Variants in COPB1 observed in about 807,000 individuals in gnomAD.
COPB1 encodes coatomer subunit beta.
COPB1 carries 21 observed loss-of-function variants against 108.7 expected under a neutral mutation model. The ratio of observed to expected loss-of-function variants is 0.19; its 90% CI spans 0.14 to 0.28. COPB1 has a LOEUF of 0.28. COPB1 is among the 10% of genes least tolerant of loss of function. The probability of loss-of-function intolerance (pLI) is 1.00; values close to 1 mark genes in which losing one functional copy is unlikely to be tolerated. For synonymous variants in COPB1, 378 were observed against 386.8 expected (o/e 0.98, Z 0.27); for missense variants, 919 against 1,141.3 (o/e 0.81, Z 2.81).
At chr11:14,474,979 C>T (rs2134107154) in intron 13 of COPB1, among the ~76,000 whole-genome samples, 1 of 151,334 alleles carries the variant, frequency 6.6e-6, no homozygotes, top group South Asian at 2.1e-4. Flanking sequence ...ACCTGTAATC[C>T]CAGCTACTCA....
At position 14,493,631 on chromosome 11, in the gene COPB1, T is replaced by A; in HGVS notation, c.491+11A>T. The A allele has an allele frequency of 6.3e-7, 1 of 1,584,724 alleles. No individual in the cohort carries two copies. Among genetic ancestry groups the A allele is most frequent in the Middle Eastern group, 1.7e-4 (1 of 5,930 alleles). ...CTCACAGAATGAAGCCAAAGCAGTATCTTTATTTACCTATAGATGGTATAG... is the reference window on the plus strand; with the variant it reads ...CTCACAGAATGAAGCCAAAGCAGTAACTTTATTTACCTATAGATGGTATAG... On this transcript the variant is annotated intron_variant, in intron 4 of 21. Coordinates refer to ENST00000439561, the MANE Select transcript of COPB1 (RefSeq NM_001144061.2).
At chr11:14,462,102 G>GTTGA (rs989937813) in intron 18 of COPB1, among the ~76,000 whole-genome samples, 1 of 151,604 alleles carries the variant, frequency 6.6e-6, no homozygotes, top group African/African-American at 2.4e-5. Context: ...TTTGTGGCTG[G>GTTGA]TTGAATCCAT....
intron 16 of COPB1, 112 bp downstream of exon 16, chr11:14,468,569 C>A: frequency 1.0e-6 from 1 of 995,122 alleles, no homozygotes; most frequent in Non-Finnish European, 1.5e-6. Flanking sequence ...GTTTAATGGA[C>A]CTATCACAGT....
chr11:14,487,724 G>A (rs1293746983), intron 6 of COPB1, among the ~76,000 whole-genome samples: 1 of 151,714 alleles, frequency 6.6e-6, no homozygotes, highest in Non-Finnish European at 1.5e-5. Context: ...TGTACAGTAA[G>A]TCTTGGTTTC....
chr11:14,464,526 T>C (rs1850235675), intron 18 of COPB1, among the ~76,000 whole-genome samples: 1 of 152,200 alleles, frequency 6.6e-6, no homozygotes, highest in African/African-American at 2.4e-5. Context: ...CTTGTGCACC[T>C]AGCAACAAAT....
intron 17 of COPB1, among the ~76,000 whole-genome samples, chr11:14,465,998 C>A (rs1204812186): frequency 6.6e-6 from 1 of 152,146 alleles, no homozygotes; most frequent in African/African-American, 2.4e-5. Context: ...GGTCAATCTG[C>A]GACTTAAACA....
intron 17 of COPB1, 124 bp downstream of exon 17, chr11:14,466,158 C>A: frequency 1.1e-6 from 1 of 931,962 alleles, no homozygotes; most frequent in Non-Finnish European, 1.5e-6. Flanking sequence ...AAAAACTAAG[C>A]CTTGATTCAA....
chr11:14,478,558 A>G (rs956530553), intron 11 of COPB1, among the ~76,000 whole-genome samples: 2 of 151,450 alleles, frequency 1.3e-5, no homozygotes, highest in Non-Finnish European at 2.9e-5. Context: ...GATACAGAAG[A>G]AGTACAAGGG....
rs775562807 is a variant in COPB1 at position 14,479,575 on chromosome 11, G to T, written c.1352C>A (p.Ser451Tyr). Residue 451 changes from serine (S) to tyrosine (Y), a missense_variant, in exon 11 of 22, where the codon TCT (serine) becomes TAT (tyrosine). Around this residue, in one of 5 missense-constraint regions of COPB1, gnomAD observed 705 missense variants for 817.8 expected, o/e 0.86. Coordinates refer to ENST00000439561, the MANE Select transcript of COPB1 (RefSeq NM_001144061.2). ...AAATGTATTTTAAACCTACTTGACA[G>T]ATTTAATAGCATGAAAGACTTCAAG... ...KMLEVFHAIK[S>Y]VKIYRGALWI... is the part of the protein sequence containing the mutation. 5.6e-6 allele frequency: 9 copies of T among 1,606,050 alleles called. No homozygotes were observed. The highest frequency in any genetic ancestry group is 8.5e-7 in the Non-Finnish European group (1 of 1,177,508).
At chr11:14,459,981 A>C (rs779410060) in intron 20 of COPB1, 3 of 382,096 alleles carry the variant, frequency 7.9e-6, no homozygotes, top group Non-Finnish European at 1.4e-5. Context: ...ATAAAAAAAA[A>C]ATTAATCTGA....
At chr11:14,489,996 T>G (rs533282977) in intron 5 of COPB1, among the ~76,000 whole-genome samples, 1 of 152,356 alleles carries the variant, frequency 6.6e-6, no homozygotes, top group South Asian at 2.1e-4. Context: ...TTTTTCAGAC[T>G]TCATGCATAT....
At chr11:14,467,147 AG>A (rs1850300951) in intron 16 of COPB1, among the ~76,000 whole-genome samples, 1 of 151,988 alleles carries the variant, frequency 6.6e-6, no homozygotes, top group South Asian at 2.1e-4. Flanking sequence ...GTATCTGATA[AG>A]GGGGTTAGTA....
intron 13 of COPB1, 99 bp from the exon 14 acceptor site, chr11:14,474,714 C>T (rs1850480944): frequency 2.7e-6 from 4 of 1,491,864 alleles, no homozygotes; most frequent in Non-Finnish European, 3.6e-6. Flanking sequence ...ACTCTTATTA[C>T]CATCCTTCAG....
At chr11:14,466,486 C>T (rs1850284259) in intron 16 of COPB1, 60 bp from the exon 17 acceptor site, 1 of 1,537,008 alleles carries the variant, frequency 6.5e-7, no homozygotes, top group African/African-American at 1.4e-5. Context: ...CAAACATACC[C>T]TGGCCAAATG....
chr11:14,457,598 GA>G lies in COPB1; in HGVS notation c.*225del. On this transcript the variant is annotated 3_prime_UTR_variant, in exon 22 of 22. Transcript: ENST00000439561. ...TACTGTGAAAAGGGTCTTGGTACAT[GA>G]AACATTATATACTTTGAGGACAGCA... 1 of 395,458 alleles carries G rather than the reference GA, an allele frequency of 2.5e-6. No individual in the cohort carries two copies. The highest frequency in any genetic ancestry group is 4.7e-6 in the Non-Finnish European group (1 of 211,856). 24.5% of individuals were successfully genotyped at this position (395,458 alleles called of 1,614,324 possible). A position where few individuals can be genotyped will look rare whatever the true frequency, so the allele number is the denominator to read the frequency against.
At chr11:14,484,284 G>A (rs2167159) in intron 7 of COPB1, among the ~76,000 whole-genome samples, 151,335 of 152,364 alleles carry the variant, frequency 0.99, 75,168 homozygotes, top group Middle Eastern at 1. Context: ...AAAAAAGGAC[G>A]TCAGTGGGAA....
chr11:14,458,448 T>C (rs898264008), intron 21 of COPB1, 84 bp downstream of exon 21: 86 of 1,311,978 alleles, frequency 6.6e-5, no homozygotes, highest in South Asian at 2.8e-4. Context: ...GCTAAAAAGA[T>C]ACTACATATA....
intron 14 of COPB1, among the ~76,000 whole-genome samples, chr11:14,472,046 G>T (rs186511530): frequency 6.6e-6 from 1 of 152,308 alleles, no homozygotes; most frequent in Admixed American, 6.5e-5. Flanking sequence ...TACGAAAGCT[G>T]AAGGAATCAA....
chr11:14,496,624 C>T (rs1052647555), intron 2 of COPB1, among the ~76,000 whole-genome samples: 1 of 151,522 alleles, frequency 6.6e-6, no homozygotes, highest in African/African-American at 2.4e-5. Flanking sequence ...ATGTCCATAC[C>T]ACCCAAAGCA....
Sources: gnomAD v4.1 joint callset for allele counts (sites outside exome capture counted in the v4.1 genomes callset) on GRCh38, gnomAD v4.1.1 for gene constraint, gnomAD v4.1.1 regional missense constraint, MANE v1.5 for transcripts, NCBI Gene and HGNC (gene_info 2026-07-23, HGNC 2026-07-21) for gene names.